MICAL2: variants seen among roughly 807,000 people sequenced by gnomAD.
MICAL2 encodes [F-actin]-monooxygenase MICAL2.
In MICAL2, 77 loss-of-function variants were observed where a neutral mutation model predicts 127.3. The observed-to-expected ratio is 0.60, with a 90% CI of 0.50 to 0.73. MICAL2 has a LOEUF of 0.73. MICAL2 is among the 30% of genes least tolerant of loss of function. The pLI, the probability that MICAL2 is intolerant of heterozygous loss-of-function variation, is 0.00. For synonymous variants in MICAL2, 570 were observed against 551.1 expected (o/e 1.03, Z -0.48); for missense variants, 1,351 against 1,434.4 (o/e 0.94, Z 0.94).
chr11:12,240,995 A>T (rs771277046), intron 17 of MICAL2, 45 bp from the exon 18 acceptor site: 3 of 1,604,036 alleles, frequency 1.9e-6, no homozygotes, highest in Middle Eastern at 1.7e-4. Flanking sequence ...CTTTTCCTTC[A>T]TGTCTCCTGT....
intron 32 of MICAL2, among the ~76,000 whole-genome samples, chr11:12,337,560 A>C (rs1448318751): frequency 6.6e-6 from 1 of 151,924 alleles, no homozygotes; most frequent in Non-Finnish European, 1.5e-5. Context: ...TGTCAATTTT[A>C]GATCTTTCCT....
Position 12,242,706 on chromosome 11 carries a change from C to T in MICAL2, c.2592C>T (p.His864=). 6.2e-7 allele frequency: 1 copy of T among 1,612,908 alleles called. No individual in the cohort carries two copies. Among genetic ancestry groups the T allele is most frequent in the Non-Finnish European group, 8.5e-7 (1 of 1,179,656 alleles). Residue 864 remains histidine, a synonymous_variant, in exon 20 of 28, where the codon CAC becomes CAT. Transcript: ENST00000683283. ...AGAACTTGGCCAACAGGGAATTTCA[C>T]ACAAAGAACATTAAGGAGAAGGCGG... The part of the protein sequence containing the change: ...RAQNLANREF[H]TKNIKEKAAH...
At chr11:12,233,063 C>G (rs1343504100) in intron 15 of MICAL2, among the ~76,000 whole-genome samples, 1 of 152,174 alleles carries the variant, frequency 6.6e-6, no homozygotes, top group Admixed American at 6.5e-5. Flanking sequence ...AACAGCATAT[C>G]TAGGGTTTGG....
chr11:12,208,021 A>G lies in MICAL2; in HGVS notation c.473-2A>G. On this transcript the variant is annotated splice_acceptor_variant, in intron 4 of 27. Transcript: ENST00000683283. LOFTEE classifies it high-confidence loss of function. ...AGTTCCTCTCTCCTTCCTGCCTGAC[A>G]GGTATTCGCCAACTACAGCTCATCC... The G allele has an allele frequency of 6.2e-7, 1 of 1,611,846 alleles. No individual in the cohort carries two copies. Among genetic ancestry groups the G allele is most frequent in the Non-Finnish European group, 8.5e-7 (1 of 1,177,876 alleles).
intron 1 of MICAL2, among the ~76,000 whole-genome samples, chr11:12,124,466 C>G (rs1389884908): frequency 6.6e-6 from 1 of 152,194 alleles, no homozygotes; most frequent in African/African-American, 2.4e-5. Context: ...AGGACATGAA[C>G]AGCCTTAACG....
rs201644171 is a variant in MICAL2 at position 12,226,366 on chromosome 11, C to T, written c.1884C>T (p.Pro628=). Residue 628 remains proline, a synonymous_variant, in exon 14 of 28, where the codon CCC becomes CCT. Transcript: ENST00000683283. The part of the protein sequence containing the change: ...YELFRGTPLR[P]VDSWRKNYGE... ...TCTTCCGGGGCACCCCACTGAGGCCCGTGGGTAAGCACCTGCACAGAGGTT... is the reference window on the plus strand; with the variant it reads ...TCTTCCGGGGCACCCCACTGAGGCCTGTGGGTAAGCACCTGCACAGAGGTT... 1.1e-5 allele frequency: 18 copies of T among 1,613,806 alleles called. No homozygotes were observed. Among genetic ancestry groups the T allele is most frequent in the African/African-American group, 2.7e-5 (2 of 74,922 alleles).
Position 12,142,487 on chromosome 11 carries a change from T to A in MICAL2, c.-78+4027T>A, listed in dbSNP as rs181422554. ...CTAAGCAGGCCTTGTTGTGAGAACC[T>A]CCAGCAAAGGGCATGGATTACACTG... is the stretch of plus-strand genomic sequence containing the variant. On this transcript the variant is annotated intron_variant, in intron 2 of 27. Coordinates refer to ENST00000683283, the MANE Select transcript of MICAL2 (RefSeq NM_001282663.2). Among the ~76,000 whole-genome samples, 273 of 152,312 alleles carry A rather than the reference T, an allele frequency of 1.8e-3. 2 individuals are homozygous for A. Among genetic ancestry groups the A allele is most frequent in the African/African-American group, 6.3e-3 (261 of 41,574 alleles).
intron 3 of MICAL2, among the ~76,000 whole-genome samples, chr11:12,164,420 T>C (rs1855225424): frequency 1.3e-5 from 2 of 152,184 alleles, no homozygotes; most frequent in Non-Finnish European, 2.9e-5. Context: ...GTGACTGTGT[T>C]AGGCTACTTG....
intron 11 of MICAL2, among the ~76,000 whole-genome samples, chr11:12,222,976 T>C (rs981083884): frequency 1.1e-4 from 17 of 152,204 alleles, no homozygotes; most frequent in African/African-American, 3.9e-4. Context: ...TATGTGCATA[T>C]ATTTATATAT....
At chr11:12,121,208 C>T (rs1028860317) in intron 1 of MICAL2, among the ~76,000 whole-genome samples, 37 of 152,304 alleles carry the variant, frequency 2.4e-4, no homozygotes, top group African/African-American at 8.9e-4. Context: ...TTCACTTTCA[C>T]CACCTCGCTG....
At chr11:12,286,701 T>C (rs2134773899) in intron 2 of MICAL2, among the ~76,000 whole-genome samples, 1 of 152,156 alleles carries the variant, frequency 6.6e-6, no homozygotes, top group South Asian at 2.1e-4. Flanking sequence ...GGACCCTGTC[T>C]CTATAAAAAA....
chr11:12,161,039 G>C (rs1487423661), intron 2 of MICAL2, among the ~76,000 whole-genome samples: 1 of 152,186 alleles, frequency 6.6e-6, no homozygotes, highest in Non-Finnish European at 1.5e-5. Flanking sequence ...GGCCTCATCG[G>C]TGGAGCTCGG....
chr11:12,267,602 T>A (rs1590714873), downstream of MICAL2, among the ~76,000 whole-genome samples: 1 of 152,154 alleles, frequency 6.6e-6, no homozygotes, highest in African/African-American at 2.4e-5. Flanking sequence ...AGCCGGATTA[T>A]CCTTTTATTT....
At chr11:12,262,742 C>T (rs1863301456) in intron 27 of MICAL2, 1 of 555,076 alleles carries the variant, frequency 1.8e-6, no homozygotes, top group East Asian at 3.0e-5. Context: ...TCCCATGGAG[C>T]TGGCAGCCTG....
At chr11:12,214,143 G>A (rs955595007) in intron 7 of MICAL2, among the ~76,000 whole-genome samples, 9 of 152,160 alleles carry the variant, frequency 5.9e-5, no homozygotes, top group Non-Finnish European at 1.2e-4. Flanking sequence ...TGGTAATAGG[G>A]ACGGCAGAGA....
intron 8 of MICAL2, 32 bp from the exon 9 acceptor site, chr11:12,220,169 A>G: frequency 1.2e-6 from 2 of 1,611,504 alleles, no homozygotes. Flanking sequence ...TTAGAGGGGG[A>G]GGTTGCTGCA....
At chr11:12,180,363 A>G (rs1431155758) in intron 3 of MICAL2, among the ~76,000 whole-genome samples, 2 of 143,734 alleles carry the variant, frequency 1.4e-5, no homozygotes, top group African/African-American at 5.5e-5. Context: ...TTTTTTTGGC[A>G]GGAAGGTTTC....
At position 12,242,301 on chromosome 11, in the gene MICAL2, G is replaced by A. The variant is rs765630217; in HGVS notation, c.2425G>A (p.Ala809Thr). The A allele has an allele frequency of 1.9e-6, 3 of 1,614,026 alleles. No homozygotes were observed. Among genetic ancestry groups the A allele is most frequent in the Admixed American group, 1.7e-5 (1 of 59,994 alleles). The change falls in exon 19 of 28, where the codon GCC becomes ACC. Residue 809 changes from alanine (A) to threonine (T), a missense_variant. Ala to Thr is a moderately conservative substitution (Grantham distance 58). Coordinates refer to ENST00000683283, the MANE Select transcript of MICAL2 (RefSeq NM_001282663.2). The stretch of plus-strand genomic sequence containing the variant: ...TGAGTGCCTGAGCAGACCTTGGAGA[G>A]CCAGAGCCAAGTCTGACCTACAGCT... ...GSECLSRPWR[A>T]RAKSDLQLGG...
chr11:12,287,318 T>A, downstream of MICAL2: 1 of 390,874 alleles, frequency 2.6e-6, no homozygotes, highest in Non-Finnish European at 4.5e-6. Context: ...AGCTTGACTT[T>A]ATTTCCACTG....
Sources: gnomAD v4.1 joint callset for allele counts (sites outside exome capture counted in the v4.1 genomes callset) on GRCh38, gnomAD v4.1.1 for gene constraint, MANE v1.5 for transcripts, NCBI Gene and HGNC (gene_info 2026-07-23, HGNC 2026-07-21) for gene names.